PTGER3: variants seen among roughly 807,000 people sequenced by gnomAD.
PTGER3 encodes prostaglandin E receptor 3, also known as prostaglandin E2 receptor EP3 subtype.
In PTGER3, 22 loss-of-function variants were observed where a neutral mutation model predicts 34.7. The ratio of observed to expected loss-of-function variants is 0.63; its 90% CI spans 0.45 to 0.91. PTGER3 has a LOEUF of 0.91. Among genes scored for constraint, PTGER3 ranks in the 40% least tolerant of loss-of-function variants. The pLI is 0.00. For synonymous variants in PTGER3, 241 were observed against 230.1 expected, an observed-to-expected ratio of 1.05 and a Z score of -0.43; for missense variants, 468 against 519.4, an observed-to-expected ratio of 0.90 and a Z score of 0.96.
intron 2 of PTGER3, among the ~76,000 whole-genome samples, chr1:70,995,028 A>T (rs1655809279): frequency 6.6e-6 from 1 of 152,124 alleles, no homozygotes; most frequent in Non-Finnish European, 1.5e-5. Flanking sequence ...GCTCACTGTA[A>T]TATAAGTAGA....
intron 4 of PTGER3, among the ~76,000 whole-genome samples, chr1:70,855,812 A>G (rs1259955612): frequency 4.6e-5 from 7 of 152,218 alleles, no homozygotes; most frequent in African/African-American, 7.2e-5. Context: ...TCTATGGGTC[A>G]TAATTCTCAA....
intron 2 of PTGER3, among the ~76,000 whole-genome samples, chr1:70,960,151 A>T (rs1309464252): frequency 6.6e-6 from 1 of 152,198 alleles, no homozygotes; most frequent in Non-Finnish European, 1.5e-5. Flanking sequence ...GAAGAAACCA[A>T]CAGTGCCAAC....
chr1:70,865,663 C>A (rs1646025559), intron 4 of PTGER3: 1 of 1,364,518 alleles, frequency 7.3e-7, no homozygotes, highest in African/African-American at 1.5e-5. Flanking sequence ...AAGTCCTGTA[C>A]TTGGCAATGT....
intron 2 of PTGER3, among the ~76,000 whole-genome samples, chr1:70,993,635 T>G (rs1182284855): frequency 6.6e-6 from 1 of 152,222 alleles, no homozygotes; most frequent in Non-Finnish European, 1.5e-5. Context: ...GGGAGGCTGC[T>G]CAGGTGTGCT....
At chr1:70,922,398 C>T (rs1425092292) in intron 4 of PTGER3, among the ~76,000 whole-genome samples, 4 of 152,118 alleles carry the variant, frequency 2.6e-5, no homozygotes, top group African/African-American at 9.7e-5. Flanking sequence ...ATGCAAGAAA[C>T]ATTGTACAAT....
intron 1 of PTGER3, among the ~76,000 whole-genome samples, chr1:71,020,160 G>C (rs560932466): frequency 1.3e-5 from 2 of 152,176 alleles, no homozygotes; most frequent in African/African-American, 4.8e-5. Context: ...GGTTACAACA[G>C]TTCTCCAGTT....
intron 1 of PTGER3, among the ~76,000 whole-genome samples, chr1:71,041,612 G>C (rs1573009385): frequency 6.6e-6 from 1 of 152,188 alleles, no homozygotes; most frequent in Admixed American, 6.5e-5. Context: ...AGTTTCTAGG[G>C]AAAAGGAGGA....
At chr1:70,881,911 A>C (rs563906266) in intron 4 of PTGER3, among the ~76,000 whole-genome samples, 5 of 152,196 alleles carry the variant, frequency 3.3e-5, no homozygotes, top group Non-Finnish European at 5.9e-5. Flanking sequence ...AAGCTCTAGC[A>C]GATGTGGCCC....
chr1:70,880,505 C>T (rs113790211), intron 4 of PTGER3, among the ~76,000 whole-genome samples: 80 of 151,266 alleles, frequency 5.3e-4, no homozygotes, highest in African/African-American at 1.9e-3. Flanking sequence ...GCCTGGCCAA[C>T]ATGGTGAAAC....
chr1:70,913,143 A>G (rs1647097982), intron 4 of PTGER3, among the ~76,000 whole-genome samples: 1 of 151,900 alleles, frequency 6.6e-6, no homozygotes, highest in African/African-American at 2.4e-5. Context: ...GTCTCCACTT[A>G]TTTAGGCCTC....
intron 4 of PTGER3, among the ~76,000 whole-genome samples, chr1:70,926,287 C>T (rs983853320): frequency 7.9e-5 from 12 of 152,258 alleles, no homozygotes; most frequent in East Asian, 1.9e-4. Context: ...GCCATTTTCA[C>T]GATATTGATT....
chr1:70,854,594 A>C (rs1572457893), intron 4 of PTGER3, among the ~76,000 whole-genome samples: 1 of 152,082 alleles, frequency 6.6e-6, no homozygotes, highest in East Asian at 1.9e-4. Context: ...TGTGTGGCAC[A>C]CTTCCCCCTT....
At chr1:70,891,281 A>C (rs1348549502) in intron 4 of PTGER3, among the ~76,000 whole-genome samples, 1 of 152,248 alleles carries the variant, frequency 6.6e-6, no homozygotes, top group Admixed American at 6.5e-5. Flanking sequence ...TAAAGACACA[A>C]TAATTTCCAA....
chr1:70,999,073 G>A (rs749166638), intron 2 of PTGER3, among the ~76,000 whole-genome samples: 7 of 152,084 alleles, frequency 4.6e-5, no homozygotes, highest in Non-Finnish European at 8.8e-5. Context: ...CCAGCTACTC[G>A]GGTTGAATTC....
intron 4 of PTGER3, chr1:70,886,231 A>G (rs932478327): frequency 4.7e-6 from 2 of 423,232 alleles, no homozygotes; most frequent in Non-Finnish European, 9.5e-6. Context: ...CCATTTGAGG[A>G]TACAATGAGA....
At chr1:70,988,736 T>C (rs910714851) in intron 2 of PTGER3, among the ~76,000 whole-genome samples, 7 of 152,164 alleles carry the variant, frequency 4.6e-5, no homozygotes, top group African/African-American at 1.7e-4. Flanking sequence ...CTTTTAATCA[T>C]TGTTTTATTT....
At chr1:70,871,503 A>G (rs762249810) in intron 4 of PTGER3, among the ~76,000 whole-genome samples, 1 of 152,186 alleles carries the variant, frequency 6.6e-6, no homozygotes, top group Non-Finnish European at 1.5e-5. Flanking sequence ...AGCAGAGACT[A>G]TGTCCATGTC....
chr1:71,009,853 T>G, intron 2 of PTGER3: 1 of 985,142 alleles, frequency 1.0e-6, no homozygotes, highest in Non-Finnish European at 1.2e-6. Flanking sequence ...ACTACATATA[T>G]CCTCTTTCTA....
chr1:71,046,614 GCA>G, intron 1 of PTGER3, 65 bp downstream of exon 1: 1 of 1,486,004 alleles, frequency 6.7e-7, no homozygotes, highest in Non-Finnish European at 8.9e-7. Flanking sequence ...CTGCCACTTA[GCA>G]AAGTCTTAGG....
Sources: allele counts gnomAD v4.1 joint callset (sites outside exome capture counted in the v4.1 genomes callset), GRCh38; gene constraint gnomAD v4.1.1; transcripts MANE v1.5; gene names NCBI Gene and HGNC (gene_info 2026-07-23, HGNC 2026-07-21).